The following FRMPD4 variants were observed in gnomAD, a reference collection of about 807,000 sequenced individuals.
FRMPD4 encodes FERM and PDZ domain-containing protein 4.
FRMPD4 carries 22 observed loss-of-function variants against 94.1 expected under a neutral mutation model. That is an observed-to-expected ratio of 0.23 (90% CI 0.17 to 0.33). The LOEUF is 0.33. FRMPD4 is among the 10% of genes least tolerant of loss of function. FRMPD4 has a pLI of 1.00. For synonymous variants in FRMPD4, 631 were observed against 548.6 expected (o/e 1.15, Z -2.10); for missense variants, 1,111 against 1,339.9 (o/e 0.83, Z 2.67).
At chrX:12,675,575 A>G (rs1316670754) in intron 5 of FRMPD4, among the ~76,000 whole-genome samples, 1 of 111,535 alleles carries the variant, frequency 9.0e-6, no homozygotes, top group African/African-American at 3.3e-5. Flanking sequence ...CATCCCCCCA[A>G]TAAGATCCCT....
chrX:12,505,667 C>T (rs1181325094), intron 2 of FRMPD4, among the ~76,000 whole-genome samples: 3 of 91,531 alleles, frequency 3.3e-5, no homozygotes, highest in South Asian at 6.2e-4. Context: ...GCAGAGGTTG[C>T]GGTGAGCCAA....
intron 3 of FRMPD4, among the ~76,000 whole-genome samples, chrX:12,004,287 G>C (rs756339604): frequency 8.9e-6 from 1 of 112,251 alleles, no homozygotes; most frequent in Admixed American, 9.4e-5. Context: ...ATGGAATTCT[G>C]ATTCAGCTGG....
chrX:12,584,397 C>T (rs2148383213), intron 2 of FRMPD4, among the ~76,000 whole-genome samples: 1 of 111,673 alleles, frequency 9.0e-6, no homozygotes, highest in African/African-American at 3.3e-5. Flanking sequence ...AGGCGGACCT[C>T]TTCACACACA....
chrX:12,383,863 G>A lies in FRMPD4; in HGVS notation c.42-114817G>A, dbSNP rs778695638. On this transcript the variant is annotated intron_variant, in intron 1 of 16. Coordinates refer to ENST00000675598, the MANE Select transcript of FRMPD4 (RefSeq NM_001368397.1). ...TCTTGTCTTTATTGAAGAAGTCTAC[G>A]GAGCCTCGTGTCATGGAATATTAGC... 1.2e-4 allele frequency among the ~76,000 whole-genome samples: 13 copies of A among 111,586 alleles called. No individual in the cohort carries two copies. In the East Asian group the frequency reaches 2.5e-3, roughly 22 times the overall value.
At chrX:12,621,976 A>G (rs948921057) in intron 4 of FRMPD4, among the ~76,000 whole-genome samples, 1 of 24,876 alleles carries the variant, frequency 4.0e-5, no homozygotes, top group Non-Finnish European at 6.7e-5. Flanking sequence ...AAGAGAAAGA[A>G]AGAAAGAAAG....
intron 1 of FRMPD4, among the ~76,000 whole-genome samples, chrX:12,450,385 A>G (rs1206243376): frequency 8.9e-6 from 1 of 111,863 alleles, no homozygotes; most frequent in Middle Eastern, 4.6e-3. Flanking sequence ...CTGTTCTACC[A>G]TTATAGTGAA....
intron 3 of FRMPD4, among the ~76,000 whole-genome samples, chrX:12,104,848 G>A (rs1393341043): frequency 2.0e-4 from 5 of 24,675 alleles, no homozygotes; most frequent in Admixed American, 5.8e-4. Flanking sequence ...AGACAACACC[G>A]AGTAAGTGGC....
intron 1 of FRMPD4, among the ~76,000 whole-genome samples, chrX:12,285,514 C>T (rs1019782711): frequency 9.0e-6 from 1 of 110,660 alleles, no homozygotes; most frequent in Admixed American, 9.6e-5. Flanking sequence ...TAGAAATATT[C>T]GTGATATGCT....
chrX:12,166,968 G>A (rs1305265655), intron 1 of FRMPD4, among the ~76,000 whole-genome samples: 2 of 110,790 alleles, frequency 1.8e-5, no homozygotes, highest in Non-Finnish European at 3.8e-5. Flanking sequence ...CTTGCTAGTG[G>A]TCTATCAATT....
chrX:12,034,790 C>A (rs2054711487), intron 3 of FRMPD4, among the ~76,000 whole-genome samples: 1 of 112,326 alleles, frequency 8.9e-6, no homozygotes, highest in African/African-American at 3.2e-5. Context: ...TGATTTATTC[C>A]TTTGCCAGAA....
chrX:12,249,046 A>G, intron 1 of FRMPD4, among the ~76,000 whole-genome samples: 1 of 112,825 alleles, frequency 8.9e-6, no homozygotes, highest in Non-Finnish European at 1.9e-5. Flanking sequence ...CTCAAAAAAC[A>G]AACAAACAAA....
chrX:12,250,058 G>A (rs1308139696), intron 1 of FRMPD4, among the ~76,000 whole-genome samples: 1 of 78,377 alleles, frequency 1.3e-5, no homozygotes, highest in African/African-American at 5.1e-5. Flanking sequence ...CTGTGTGTGT[G>A]TGTGTTTGTG....
intron 1 of FRMPD4, among the ~76,000 whole-genome samples, chrX:12,408,043 AAG>A (rs1309006688): frequency 1.8e-5 from 2 of 108,960 alleles, no homozygotes; most frequent in African/African-American, 6.7e-5. Context: ...GTTTCTTAGA[AAG>A]AGACATTTAA....
At chrX:12,637,830 G>A (rs2059456774) in intron 4 of FRMPD4, among the ~76,000 whole-genome samples, 1 of 112,088 alleles carries the variant, frequency 8.9e-6, no homozygotes, top group Non-Finnish European at 1.9e-5. Context: ...CTGTAATCAT[G>A]CCATCAACTG....
chrX:12,676,221 C>G (rs1397726392), intron 5 of FRMPD4, among the ~76,000 whole-genome samples: 1 of 112,163 alleles, frequency 8.9e-6, no homozygotes, highest in Non-Finnish European at 1.9e-5. Flanking sequence ...TGCTCAGAAC[C>G]TTGGTCTCCC....
At chrX:12,443,213 AAG>A in intron 1 of FRMPD4, among the ~76,000 whole-genome samples, 1 of 111,992 alleles carries the variant, frequency 8.9e-6, no homozygotes, top group South Asian at 3.7e-4. Flanking sequence ...TGTACACTTC[AAG>A]AGAGTGAATT....
At chrX:11,862,095 G>C (rs1388551251) in intron 1 of FRMPD4, among the ~76,000 whole-genome samples, 1 of 111,126 alleles carries the variant, frequency 9.0e-6, no homozygotes, top group East Asian at 2.8e-4. Context: ...ACAGCACCAA[G>C]GGGGAAATTC....
chrX:12,043,506 A>C (rs1048716067), intron 3 of FRMPD4, among the ~76,000 whole-genome samples: 3 of 111,731 alleles, frequency 2.7e-5, no homozygotes, highest in Non-Finnish European at 5.7e-5. Flanking sequence ...GCATAATCAG[A>C]ATTTAATTAT....
intron 1 of FRMPD4, among the ~76,000 whole-genome samples, chrX:12,411,151 A>T (rs973387521): frequency 3.6e-5 from 4 of 110,728 alleles, no homozygotes; most frequent in Non-Finnish European, 7.6e-5. Context: ...TGTCTCTGAG[A>T]TTTTCTTCCA....
Sources: allele counts gnomAD v4.1 joint callset (sites outside exome capture counted in the v4.1 genomes callset), GRCh38; gene constraint gnomAD v4.1.1; transcripts MANE v1.5; gene names NCBI Gene and HGNC (gene_info 2026-07-23, HGNC 2026-07-21).